Variants in SLC12A8 observed in about 807,000 individuals in gnomAD.
SLC12A8 encodes cation-chloride cotransporter 9.
SLC12A8 carries 69 observed loss-of-function variants against 75.6 expected under a neutral mutation model. That is an observed-to-expected ratio of 0.91 (90% CI 0.75 to 1.11). SLC12A8 has a LOEUF of 1.11. Among genes scored for constraint, SLC12A8 ranks in the 50% most tolerant of loss-of-function variants. The probability of loss-of-function intolerance (pLI) is 0.00; values close to 1 mark genes in which losing one functional copy is unlikely to be tolerated. For synonymous variants in SLC12A8, 365 were observed against 372.8 expected (o/e 0.98, Z 0.24); for missense variants, 877 against 896.7 (o/e 0.98, Z 0.28).
intron 5 of SLC12A8, among the ~76,000 whole-genome samples, chr3:125,152,690 T>A (rs860976): frequency 0.6 from 91,372 of 152,018 alleles, 27,906 homozygotes; most frequent in Admixed American, 0.68. Context: ...TTATTTCTAA[T>A]CCTTTAAAAA....
chr3:125,112,581 T>A (rs1273352506), intron 8 of SLC12A8, among the ~76,000 whole-genome samples: 6 of 152,192 alleles, frequency 3.9e-5, no homozygotes, highest in African/African-American at 1.4e-4. Context: ...GACTTTGCTG[T>A]AATCGTGCCC....
At chr3:125,084,165 G>T in intron 13 of SLC12A8, 113 bp from the exon 14 acceptor site, 1 of 820,708 alleles carries the variant, frequency 1.2e-6, no homozygotes, top group Non-Finnish European at 1.9e-6. Context: ...GTATTTAAAT[G>T]TTTAAAACAT....
intron 6 of SLC12A8, among the ~76,000 whole-genome samples, chr3:125,135,345 T>C (rs180995744): frequency 3.3e-5 from 5 of 152,332 alleles, no homozygotes; most frequent in Admixed American, 2.0e-4. Flanking sequence ...ATATGTATCC[T>C]TTCTATGAAC....
chr3:125,148,790 C>T (rs938226), intron 5 of SLC12A8, among the ~76,000 whole-genome samples: 28,531 of 152,118 alleles, frequency 0.19, 2,865 homozygotes, highest in Non-Finnish European at 0.23. Context: ...GGGCACATAT[C>T]CCACTTTGTG....
rs1439371572 is a variant in SLC12A8, at chr3:125,187,113, C to G, written c.390+124G>C. ...GCTGAATTCCCTTCAGAGCCCCAAC[C>G]TGCTCGTCTGTCACATGCGGCAATT... On this transcript the variant is annotated intron_variant, in intron 4 of 13. Transcript: ENST00000469902. The G allele has an allele frequency of 6.5e-6, 6 of 918,336 alleles. 1 individual carries two copies. Among genetic ancestry groups the G allele is most frequent in the Non-Finnish European group, 8.4e-6 (5 of 597,222 alleles). 56.9% of individuals were successfully genotyped at this position (918,336 alleles called of 1,614,324 possible).
At chr3:125,171,053 T>A (rs1435976798) in intron 5 of SLC12A8, among the ~76,000 whole-genome samples, 1 of 152,244 alleles carries the variant, frequency 6.6e-6, no homozygotes, top group Non-Finnish European at 1.5e-5. Context: ...TATTTTATAT[T>A]TTTATGAAAC....
At chr3:125,163,370 G>A (rs564831788) in intron 5 of SLC12A8, among the ~76,000 whole-genome samples, 1 of 152,144 alleles carries the variant, frequency 6.6e-6, no homozygotes, top group Non-Finnish European at 1.5e-5. Context: ...CACTTTGGGA[G>A]GCCGAGGTGG....
At chr3:125,166,115 G>A (rs965158531) in intron 5 of SLC12A8, among the ~76,000 whole-genome samples, 1 of 152,010 alleles carries the variant, frequency 6.6e-6, no homozygotes, top group African/African-American at 2.4e-5. Flanking sequence ...CTGCTCCCAT[G>A]CTGCGGGGCG....
intron 8 of SLC12A8, among the ~76,000 whole-genome samples, chr3:125,116,039 C>G (rs1032897979): frequency 2.9e-4 from 44 of 152,318 alleles, no homozygotes; most frequent in Non-Finnish European, 5.9e-4. Context: ...GTAAAAACAT[C>G]TGTGGCCCAA....
chr3:125,135,836 A>C, intron 5 of SLC12A8, 54 bp from the exon 6 acceptor site: 1 of 986,404 alleles, frequency 1.0e-6, no homozygotes, highest in Non-Finnish European at 1.5e-6. Context: ...CACAGGACAC[A>C]TTTCCCTAGA....
intron 5 of SLC12A8, among the ~76,000 whole-genome samples, chr3:125,142,129 C>A (rs1217918370): frequency 6.6e-6 from 1 of 152,194 alleles, no homozygotes; most frequent in East Asian, 1.9e-4. Flanking sequence ...CTCACGGAGA[C>A]GGGGATCTGC....
chr3:125,136,766 CT>C (rs376716555), intron 5 of SLC12A8, among the ~76,000 whole-genome samples: 61 of 152,298 alleles, frequency 4.0e-4, no homozygotes, highest in African/African-American at 1.4e-3. Context: ...CTTTAACAAA[CT>C]TTTTTCAAGT....
intron 5 of SLC12A8, among the ~76,000 whole-genome samples, chr3:125,153,228 C>G (rs1161154926): frequency 6.6e-6 from 1 of 152,214 alleles, no homozygotes; most frequent in Non-Finnish European, 1.5e-5. Flanking sequence ...GTGCCCGGTA[C>G]TTTCCAAGAT....
intron 2 of SLC12A8, among the ~76,000 whole-genome samples, chr3:125,202,809 C>T (rs67623005): frequency 0.1 from 15,495 of 151,798 alleles, 892 homozygotes; most frequent in South Asian, 0.22. Context: ...AATGAGAAGC[C>T]GGGCACGGTG....
chr3:125,119,427 T>G (rs1932993248), intron 7 of SLC12A8, among the ~76,000 whole-genome samples: 1 of 152,174 alleles, frequency 6.6e-6, no homozygotes. Flanking sequence ...GAAACTAAAG[T>G]CAAAAGGCAG....
In SLC12A8 at chr3:125,084,747, ACAG is replaced by A. The variant is rs565105083; in HGVS notation, c.1983-698_1983-696del. 3.5e-3 allele frequency among the ~76,000 whole-genome samples: 529 copies of A among 152,356 alleles called. 6 individuals are homozygous for A. The highest frequency in any genetic ancestry group is 0.012 in the African/African-American group (493 of 41,582). ...GCTGCTACGGAAGGCAGACCCAGTC[ACAG>A]CTCCATCCCTAATCAGCTAGGTGGC... is the stretch of plus-strand genomic sequence containing the variant. On this transcript the variant is annotated intron_variant, in intron 13 of 13. Transcript: ENST00000469902.
At chr3:125,174,257 C>T (rs1265004977) in intron 5 of SLC12A8, among the ~76,000 whole-genome samples, 6 of 152,082 alleles carry the variant, frequency 3.9e-5, no homozygotes, top group South Asian at 4.2e-4. Flanking sequence ...ATTAGAGAAT[C>T]GCAAATTAAA....
chr3:125,189,801 G>A (rs1441153463), intron 3 of SLC12A8, among the ~76,000 whole-genome samples: 1 of 152,148 alleles, frequency 6.6e-6, no homozygotes, highest in Admixed American at 6.5e-5. Flanking sequence ...TGCTTGGAAG[G>A]TCCTAGGATG....
intron 12 of SLC12A8, 42 bp from the exon 13 acceptor site, chr3:125,088,412 C>T (rs1376865023): frequency 6.3e-7 from 1 of 1,586,832 alleles, no homozygotes; most frequent in East Asian, 2.2e-5. Flanking sequence ...GAAGGTTCTA[C>T]ATAAGGCATC....
Sources: gnomAD v4.1 joint callset for allele counts (sites outside exome capture counted in the v4.1 genomes callset) on GRCh38, gnomAD v4.1.1 for gene constraint, MANE v1.5 for transcripts, NCBI Gene and HGNC (gene_info 2026-07-23, HGNC 2026-07-21) for gene names.